Variants in CNNM2 observed in about 807,000 individuals in gnomAD.
The protein encoded by CNNM2 is cyclin and CBS domain divalent metal cation transport mediator 2, also known as metal transporter CNNM2.
Under a neutral mutation model 66.9 loss-of-function variants are expected in CNNM2, and 12 were observed. That is an observed-to-expected ratio of 0.18 (90% CI 0.11 to 0.29). The LOEUF is 0.29. Among genes scored for constraint, CNNM2 ranks in the 10% least tolerant of loss-of-function variants. The probability of loss-of-function intolerance (pLI) is 1.00; values close to 1 mark genes in which losing one functional copy is unlikely to be tolerated. For missense variants in CNNM2, 705 were observed against 1,167.7 expected (o/e 0.60, Z 5.77); for synonymous variants, 557 against 501.8 (o/e 1.11, Z -1.47).
intron 1 of CNNM2, among the ~76,000 whole-genome samples, chr10:102,985,566 G>A (rs142560567): frequency 1.8e-3 from 277 of 152,196 alleles, no homozygotes; most frequent in African/African-American, 5.9e-3. Flanking sequence ...GTTCTTCCTT[G>A]ACATCCTACT....
intron 1 of CNNM2, among the ~76,000 whole-genome samples, chr10:102,995,475 C>T (rs961296347): frequency 4.0e-5 from 6 of 151,258 alleles, no homozygotes; most frequent in Admixed American, 6.6e-5. Flanking sequence ...GGCCTCCCAA[C>T]GTGCTGGGAT....
intron 4 of CNNM2, among the ~76,000 whole-genome samples, chr10:103,068,249 A>G (rs997954377): frequency 3.9e-5 from 6 of 152,216 alleles, no homozygotes; most frequent in Non-Finnish European, 8.8e-5. Flanking sequence ...CACGCCTGTA[A>G]TCCCTTTGGG....
At position 103,076,096 on chromosome 10, in the gene CNNM2, G is replaced by C; in HGVS notation, c.2244G>C (p.Lys748Asn). 6.2e-7 allele frequency: 1 copy of C among 1,609,548 alleles called. No individual in the cohort carries two copies. The highest frequency in any genetic ancestry group is 8.5e-7 in the Non-Finnish European group (1 of 1,176,974). Residue 748 changes from lysine (K) to asparagine (N), a missense_variant, in exon 7 of 8, where the codon AAG becomes AAC. This residue lies in a region of CNNM2 where 194 missense variants were observed against 227.6 expected (regional missense o/e 0.85). Transcript: ENST00000369878. Reference sequence around the variant, plus strand: ...TCCCTCCTTTTCCAGGTGAAAATAAGTCCCCTCCTCGCCCATGTGGCTTGA... The same window carrying C: ...TCCCTCCTTTTCCAGGTGAAAATAACTCCCCTCCTCGCCCATGTGGCTTGA... Reference protein sequence around the residue: ...LLAAGSPGENKSPPRPCGLNH... With the variant: ...LLAAGSPGENNSPPRPCGLNH...
rs111357338 is a variant in CNNM2, at chr10:103,029,679, C to T, written c.1622-20028C>T. On this transcript the variant is annotated intron_variant, in intron 1 of 7. Transcript: ENST00000369878. ...GAGATAGAGACCAGCCTGGCTAACA[C>T]GATGAAACCCCGTCTCTACTAAAAA... Among the ~76,000 whole-genome samples the T allele has an allele frequency of 4.4e-3, 670 of 151,578 alleles. 2 individuals carry two copies. The highest frequency in any genetic ancestry group is 0.015 in the African/African-American group (607 of 41,322).
chr10:103,042,754 A>C (rs940918016), intron 1 of CNNM2, among the ~76,000 whole-genome samples: 1 of 152,178 alleles, frequency 6.6e-6, no homozygotes, highest in Non-Finnish European at 1.5e-5. Context: ...ACTAAATCCA[A>C]TTGTAATTAT....
intron 4 of CNNM2, among the ~76,000 whole-genome samples, chr10:103,060,756 C>G (rs1367049499): frequency 6.6e-6 from 1 of 152,112 alleles, no homozygotes; most frequent in Non-Finnish European, 1.5e-5. Flanking sequence ...CAACGAGTCT[C>G]TAAGGAGGCA....
At chr10:103,076,592 C>A (rs2065695433) in intron 7 of CNNM2, among the ~76,000 whole-genome samples, 1 of 152,214 alleles carries the variant, frequency 6.6e-6, no homozygotes, top group Non-Finnish European at 1.5e-5. Flanking sequence ...CTGCCTGGCC[C>A]TGGGAAGGCT....
intron 1 of CNNM2, among the ~76,000 whole-genome samples, chr10:102,944,084 C>CTTT (rs199757273): frequency 5.2e-5 from 7 of 135,292 alleles, no homozygotes; most frequent in East Asian, 2.1e-4. Context: ...TTTCATAATT[C>CTTT]TTTTTTTTTT....
At chr10:102,973,722 T>C (rs1359615474) in intron 1 of CNNM2, among the ~76,000 whole-genome samples, 3 of 152,176 alleles carry the variant, frequency 2.0e-5, no homozygotes, top group African/African-American at 7.2e-5. Flanking sequence ...TATTTCATTT[T>C]AGACCCTTTG....
intron 1 of CNNM2, among the ~76,000 whole-genome samples, chr10:103,030,857 G>A (rs965798307): frequency 1.1e-4 from 16 of 152,206 alleles, no homozygotes; most frequent in African/African-American, 3.4e-4. Context: ...CTTTACAGAT[G>A]TCATTAGTAT....
In CNNM2 at chr10:102,956,648, G is replaced by A. The variant is rs563806747; in HGVS notation, c.1621+36547G>A. ...TCGAATACTGTGCAGCCATAAAAAA[G>A]GATGAGTGCATGTCCTTTGCAGGGA... On this transcript the variant is annotated intron_variant, in intron 1 of 7. Transcript: ENST00000369878. Among the ~76,000 whole-genome samples the A allele has an allele frequency of 2.2e-4, 34 of 152,260 alleles. No individual in the cohort carries two copies. The East Asian group carries it at 5.6e-3, about 25-fold the overall frequency.
chr10:102,966,609 A>C (rs763924631), intron 1 of CNNM2, among the ~76,000 whole-genome samples: 3 of 152,226 alleles, frequency 2.0e-5, no homozygotes, highest in Non-Finnish European at 2.9e-5. Flanking sequence ...CCTGGGCAAC[A>C]GAGCGTGGAC....
At chr10:102,985,473 A>G (rs1431234665) in intron 1 of CNNM2, among the ~76,000 whole-genome samples, 1 of 152,206 alleles carries the variant, frequency 6.6e-6, no homozygotes. Context: ...AGCTAGATAC[A>G]GGAAGTGTTT....
At chr10:102,941,636 A>G (rs1194820494) in intron 1 of CNNM2, among the ~76,000 whole-genome samples, 2 of 152,206 alleles carry the variant, frequency 1.3e-5, no homozygotes, top group Non-Finnish European at 2.9e-5. Flanking sequence ...TTCGCCAGAT[A>G]GCTTTGCAGC....
chr10:102,944,684 T>G (rs545580216), intron 1 of CNNM2, among the ~76,000 whole-genome samples: 1 of 151,220 alleles, frequency 6.6e-6, no homozygotes, highest in East Asian at 2.0e-4. Context: ...ACTTCACTCC[T>G]AAACACTTCA....
chr10:103,042,547 C>T (rs2134319535), intron 1 of CNNM2, among the ~76,000 whole-genome samples: 1 of 152,318 alleles, frequency 6.6e-6, no homozygotes, highest in Admixed American at 6.5e-5. Context: ...CTCTTGAGAG[C>T]CAGTGCTTGT....
At chr10:103,016,397 A>C (rs1024873248) in intron 1 of CNNM2, among the ~76,000 whole-genome samples, 1 of 152,104 alleles carries the variant, frequency 6.6e-6, no homozygotes, top group Non-Finnish European at 1.5e-5. Context: ...TTTTTAAAGG[A>C]CTTATTTAAG....
chr10:102,988,859 A>G (rs1336800799), intron 1 of CNNM2, among the ~76,000 whole-genome samples: 2 of 152,198 alleles, frequency 1.3e-5, no homozygotes, highest in Non-Finnish European at 2.9e-5. Context: ...TTAATGGCTT[A>G]GGTGACCGAC....
intron 3 of CNNM2, among the ~76,000 whole-genome samples, chr10:103,056,084 T>C (rs1451593420): frequency 7.0e-6 from 1 of 142,920 alleles, no homozygotes; most frequent in Non-Finnish European, 1.5e-5. Context: ...TGAGACTCCT[T>C]CTCAAAAAAA....
Sources: gnomAD v4.1 joint callset for allele counts (sites outside exome capture counted in the v4.1 genomes callset) on GRCh38, gnomAD v4.1.1 for gene constraint, gnomAD v4.1.1 regional missense constraint, MANE v1.5 for transcripts, NCBI Gene and HGNC (gene_info 2026-07-23, HGNC 2026-07-21) for gene names.